Variants in CDH4 observed in about 807,000 individuals in gnomAD.
The protein encoded by CDH4 is cadherin-4.
Under a neutral mutation model 86.0 loss-of-function variants are expected in CDH4, and 33 were observed. The ratio of observed to expected loss-of-function variants is 0.38; its 90% CI spans 0.29 to 0.51. CDH4 has a LOEUF of 0.51. CDH4 is among the 20% of genes least tolerant of loss of function. The pLI, the probability that CDH4 is intolerant of heterozygous loss-of-function variation, is 0.86. For missense variants in CDH4, 1,114 were observed against 1,307.4 expected (o/e 0.85, Z 2.28); for synonymous variants, 555 against 549.4 (o/e 1.01, Z -0.14).
chr20:61,818,536 A>G (rs531906765), intron 4 of CDH4, among the ~76,000 whole-genome samples: 16 of 152,104 alleles, frequency 1.1e-4, no homozygotes, highest in East Asian at 7.8e-4. Flanking sequence ...TTAGCTGGAC[A>G]TGGTGGTGGT....
chr20:61,696,812 T>G (rs2087719483), intron 2 of CDH4, among the ~76,000 whole-genome samples: 1 of 152,138 alleles, frequency 6.6e-6, no homozygotes, highest in Non-Finnish European at 1.5e-5. Context: ...AAAGAGTGTT[T>G]GAAGATGTGA....
chr20:61,820,974 A>C (rs1436208587), intron 4 of CDH4, among the ~76,000 whole-genome samples: 6 of 152,050 alleles, frequency 3.9e-5, no homozygotes, highest in Non-Finnish European at 1.5e-5. Flanking sequence ...CTCCAGGTAC[A>C]GTGCTGGGCC....
At chr20:61,655,132 TACAC>T (rs1477849016) in intron 2 of CDH4, among the ~76,000 whole-genome samples, 2 of 152,236 alleles carry the variant, frequency 1.3e-5, no homozygotes, top group Non-Finnish European at 2.9e-5. Flanking sequence ...GTGTGGTAGG[TACAC>T]ACACGTAATT....
At chr20:61,451,140 G>C (rs75203682) in intron 2 of CDH4, among the ~76,000 whole-genome samples, 2 of 134,770 alleles carry the variant, frequency 1.5e-5, no homozygotes, top group Admixed American at 7.5e-5. Context: ...CCTTCCCTCC[G>C]TGTCATCCTG....
chr20:61,865,066 A>G (rs1377991180), intron 6 of CDH4, among the ~76,000 whole-genome samples: 2 of 151,890 alleles, frequency 1.3e-5, no homozygotes, highest in African/African-American at 2.4e-5. Context: ...CCCAGACCTC[A>G]TGCCCCGACC....
intron 4 of CDH4, among the ~76,000 whole-genome samples, chr20:61,839,901 C>CTGTG (rs145568741): frequency 7.5e-5 from 11 of 147,576 alleles, no homozygotes; most frequent in African/African-American, 2.7e-4. Context: ...TATGTGTGTA[C>CTGTG]TGTGTGTGTG....
chr20:61,847,208 G>A (rs1481114192), intron 5 of CDH4, among the ~76,000 whole-genome samples: 5 of 152,188 alleles, frequency 3.3e-5, no homozygotes. Context: ...AAGGTTTCAG[G>A]GCTCAGCTAC....
intron 2 of CDH4, among the ~76,000 whole-genome samples, chr20:61,665,692 G>A (rs1373700064): frequency 6.6e-6 from 1 of 152,202 alleles, no homozygotes; most frequent in Non-Finnish European, 1.5e-5. Flanking sequence ...TTGATGAGGT[G>A]TGCACGCAGC....
At chr20:61,688,565 C>A (rs1017449831) in intron 2 of CDH4, among the ~76,000 whole-genome samples, 2 of 152,240 alleles carry the variant, frequency 1.3e-5, no homozygotes, top group African/African-American at 4.8e-5. Context: ...CTTCCGGAAG[C>A]ACTGGGACAC....
chr20:61,881,211 C>A (rs1266976795), intron 7 of CDH4, among the ~76,000 whole-genome samples: 1 of 152,196 alleles, frequency 6.6e-6, no homozygotes, highest in Non-Finnish European at 1.5e-5. Context: ...AGCCTGCAGC[C>A]CCTGAGCAGT....
chr20:61,920,164 T>C (rs941716398), intron 9 of CDH4, among the ~76,000 whole-genome samples: 124 of 107,354 alleles, frequency 1.2e-3, no homozygotes, highest in Non-Finnish European at 1.0e-3. Context: ...CATGGAAGCA[T>C]GGCGTCACAG....
chr20:61,706,790 C>T (rs913651022), intron 2 of CDH4, among the ~76,000 whole-genome samples: 5 of 152,208 alleles, frequency 3.3e-5, no homozygotes, highest in African/African-American at 1.2e-4. Context: ...GCAGGACGTT[C>T]ATGGTGAGGT....
intron 2 of CDH4, among the ~76,000 whole-genome samples, chr20:61,322,175 T>C (rs1156413035): frequency 1.3e-5 from 2 of 152,152 alleles, no homozygotes; most frequent in South Asian, 2.1e-4. Context: ...GTTGGTGCCG[T>C]CTGTGTGCTT....
intron 2 of CDH4, among the ~76,000 whole-genome samples, chr20:61,683,337 C>T (rs1600870368): frequency 6.6e-6 from 1 of 152,216 alleles, no homozygotes; most frequent in Non-Finnish European, 1.5e-5. Flanking sequence ...GGAAATCATG[C>T]ACTTCAGAGG....
chr20:61,670,731 G>T (rs997011139), intron 2 of CDH4, among the ~76,000 whole-genome samples: 3 of 152,220 alleles, frequency 2.0e-5, no homozygotes, highest in Admixed American at 6.5e-5. Flanking sequence ...CATTCTTATG[G>T]GTGGGGCCCA....
chr20:61,439,613 C>T (rs2085304080), intron 2 of CDH4, among the ~76,000 whole-genome samples: 1 of 152,224 alleles, frequency 6.6e-6, no homozygotes, highest in Admixed American at 6.5e-5. Context: ...CAAGAGTCCT[C>T]TGTGGAAACC....
intron 2 of CDH4, among the ~76,000 whole-genome samples, chr20:61,656,509 C>G (rs908963403): frequency 6.6e-6 from 1 of 152,192 alleles, no homozygotes; most frequent in African/African-American, 2.4e-5. Flanking sequence ...AGGACAGGTG[C>G]ATGGCCAGTG....
chr20:61,885,024 C>G (rs1984475854), intron 7 of CDH4, among the ~76,000 whole-genome samples: 1 of 152,124 alleles, frequency 6.6e-6, no homozygotes, highest in Non-Finnish European at 1.5e-5. Context: ...AGAACGACTG[C>G]CAGCCAGAGG....
chr20:61,661,809 C>T (rs1460713403), intron 2 of CDH4, among the ~76,000 whole-genome samples: 1 of 152,132 alleles, frequency 6.6e-6, no homozygotes, highest in Non-Finnish European at 1.5e-5. Flanking sequence ...GCTCGTATGA[C>T]AGGCCAGGTC....
Sources: allele counts gnomAD v4.1 joint callset (sites outside exome capture counted in the v4.1 genomes callset), GRCh38; gene constraint gnomAD v4.1.1; transcripts MANE v1.5; gene names NCBI Gene and HGNC (gene_info 2026-07-23, HGNC 2026-07-21).